SRGAP1: variants seen among roughly 807,000 people sequenced by gnomAD.
SRGAP1 encodes the protein SLIT-ROBO Rho GTPase-activating protein 1.
A neutral mutation model predicts 121.9 loss-of-function variants in SRGAP1; 43 were observed. That is an observed-to-expected ratio of 0.35 (90% CI 0.28 to 0.46). The LOEUF (loss-of-function observed/expected upper bound fraction) is 0.46. Ranked by LOEUF, SRGAP1 falls within the 20% of genes least tolerant of loss-of-function variation. SRGAP1 has a pLI of 1.00. For synonymous variants in SRGAP1, 447 were observed against 485.4 expected, an observed-to-expected ratio of 0.92 and a Z score of 1.04; for missense variants, 1,102 against 1,350.9, an observed-to-expected ratio of 0.82 and a Z score of 2.89.
At chr12:64,095,893 A>G (rs1188222330) in intron 14 of SRGAP1, among the ~76,000 whole-genome samples, 1 of 152,176 alleles carries the variant, frequency 6.6e-6, no homozygotes, top group East Asian at 1.9e-4. Context: ...AAACATTCCA[A>G]TTAGCACATT....
intron 21 of SRGAP1, among the ~76,000 whole-genome samples, chr12:64,138,201 G>A (rs2036890397): frequency 6.6e-6 from 1 of 151,558 alleles, no homozygotes; most frequent in Admixed American, 6.6e-5. Flanking sequence ...CTGCATATAA[G>A]TGCAATCATA....
intron 10 of SRGAP1, chr12:64,080,738 C>G (rs906455955): frequency 3.2e-6 from 1 of 312,874 alleles, no homozygotes; most frequent in Non-Finnish European, 6.1e-6. Flanking sequence ...CTGCACCCTT[C>G]CAACCCCACC....
At chr12:63,865,359 C>T (rs962183216) in intron 1 of SRGAP1, among the ~76,000 whole-genome samples, 1 of 151,998 alleles carries the variant, frequency 6.6e-6, no homozygotes, top group Non-Finnish European at 1.5e-5. Flanking sequence ...ATCTTAGTTA[C>T]TTGGGAGACT....
chr12:63,937,609 C>T (rs1415810422), intron 1 of SRGAP1, among the ~76,000 whole-genome samples: 2 of 152,172 alleles, frequency 1.3e-5, no homozygotes, highest in African/African-American at 4.8e-5. Context: ...GACTGATCTC[C>T]CTTAGGACTA....
chr12:63,847,925 T>C (rs1898954760), intron 1 of SRGAP1, among the ~76,000 whole-genome samples: 1 of 151,890 alleles, frequency 6.6e-6, no homozygotes, highest in Non-Finnish European at 1.5e-5. Context: ...ACAACTTTAT[T>C]TATCTCAGAA....
At chr12:63,983,833 T>A (rs61933148) in intron 1 of SRGAP1, 114 bp from the exon 2 acceptor site, 1 of 118,864 alleles carries the variant, frequency 8.4e-6, no homozygotes, top group African/African-American at 4.0e-5. Flanking sequence ...TATATATATA[T>A]ATATATATAT....
At chr12:63,961,413 C>T (rs1446628105) in intron 1 of SRGAP1, among the ~76,000 whole-genome samples, 2 of 152,226 alleles carry the variant, frequency 1.3e-5, no homozygotes, top group Non-Finnish European at 2.9e-5. Flanking sequence ...CCTCACTGTG[C>T]AGGGCCTTGG....
intron 1 of SRGAP1, among the ~76,000 whole-genome samples, chr12:63,968,835 T>A (rs926346742): frequency 2.6e-5 from 4 of 152,238 alleles, no homozygotes; most frequent in Non-Finnish European, 4.4e-5. Context: ...CCCTGCAGAC[T>A]GCTCGCTTGC....
Position 63,989,941 on chromosome 12 carries a change from T to A in SRGAP1, c.295T>A (p.Cys99Ser), listed in dbSNP as rs958119728. Residue 99 changes from cysteine to serine, a missense_variant, in exon 3 of 22, where the codon TGC becomes AGC. Physicochemically the swap from Cys to Ser is moderately radical, Grantham distance 112. Transcript: ENST00000355086. ...CCAGAACCTGTTGTCTCCAGTGAACTGCTGGTATTTGCTCCTGAACCAAGT... is the reference window on the plus strand; with the variant it reads ...CCAGAACCTGTTGTCTCCAGTGAACAGCTGGTATTTGCTCCTGAACCAAGT... ...KDQNLLSPVN[C>S]WYLLLNQVRR... The A allele has an allele frequency of 6.2e-7, 1 of 1,612,936 alleles. No homozygotes were observed. The highest frequency in any genetic ancestry group is 8.5e-7 in the Non-Finnish European group (1 of 1,179,662).
intron 15 of SRGAP1, among the ~76,000 whole-genome samples, chr12:64,106,472 A>G (rs1362959860): frequency 2.0e-5 from 3 of 152,204 alleles, no homozygotes; most frequent in South Asian, 2.1e-4. Flanking sequence ...GTATTTAAAG[A>G]TACAGAATTC....
chr12:63,915,129 AC>A (rs1276270721), intron 1 of SRGAP1, among the ~76,000 whole-genome samples: 9 of 152,222 alleles, frequency 5.9e-5, no homozygotes, highest in Non-Finnish European at 1.3e-4. Context: ...ATTTGCTTTA[AC>A]TTTAGTAAAG....
At chr12:64,041,692 A>C (rs1240841044) in intron 4 of SRGAP1, among the ~76,000 whole-genome samples, 1 of 151,674 alleles carries the variant, frequency 6.6e-6, no homozygotes, top group Non-Finnish European at 1.5e-5. Context: ...CCCTGCCCTT[A>C]GTTTTAACTG....
chr12:64,065,084 G>A, intron 7 of SRGAP1, 34 bp from the exon 8 acceptor site: 1 of 1,548,314 alleles, frequency 6.5e-7, no homozygotes, highest in Non-Finnish European at 8.9e-7. Flanking sequence ...GGTTGATGGT[G>A]CCCTGTTGTA....
intron 1 of SRGAP1, among the ~76,000 whole-genome samples, chr12:63,845,397 C>A (rs1017737236): frequency 2.6e-5 from 4 of 152,116 alleles, no homozygotes; most frequent in Non-Finnish European, 4.4e-5. Context: ...GGGCGAGACC[C>A]CTTTTATTAA....
At chr12:63,958,638 A>C (rs2032544792) in intron 1 of SRGAP1, among the ~76,000 whole-genome samples, 1 of 152,176 alleles carries the variant, frequency 6.6e-6, no homozygotes, top group South Asian at 2.1e-4. Context: ...TTAGGTTTGC[A>C]AATAGGAGGC....
intron 1 of SRGAP1, among the ~76,000 whole-genome samples, chr12:63,895,855 G>A (rs749122825): frequency 3.3e-5 from 5 of 152,212 alleles, no homozygotes; most frequent in Non-Finnish European, 5.9e-5. Context: ...AAGGAATAGT[G>A]TCTCAAATTC....
At chr12:63,953,787 A>G (rs1418976481) in intron 1 of SRGAP1, among the ~76,000 whole-genome samples, 1 of 152,074 alleles carries the variant, frequency 6.6e-6, no homozygotes, top group Non-Finnish European at 1.5e-5. Flanking sequence ...CCTTGCTGCC[A>G]TCTCAGTATT....
chr12:63,983,140 A>G (rs1192924812), intron 1 of SRGAP1: 3 of 152,234 alleles, frequency 2.0e-5, no homozygotes, highest in African/African-American at 7.2e-5. Flanking sequence ...TAAGCCCTGA[A>G]GCTATGTGTT....
At position 64,086,968 on chromosome 12, in the gene SRGAP1, A is replaced by G. The variant is rs201695525; in HGVS notation, c.1409-31A>G. ...CACATACACTCTGCTGATTCCTTTC[A>G]GTTTACTTACTTTAAATTTTTTTCC... On this transcript the variant is annotated intron_variant, in intron 10 of 21. Coordinates refer to ENST00000355086, the MANE Select transcript of SRGAP1 (RefSeq NM_020762.4). 5 of 1,564,402 alleles carry G rather than the reference A, an allele frequency of 3.2e-6. No homozygotes were observed. In the Admixed American group the frequency reaches 6.7e-5, roughly 21 times the overall value.
Sources: gnomAD v4.1 joint callset for allele counts (sites outside exome capture counted in the v4.1 genomes callset) on GRCh38, gnomAD v4.1.1 for gene constraint, MANE v1.5 for transcripts, NCBI Gene and HGNC (gene_info 2026-07-23, HGNC 2026-07-21) for gene names.